Variants in CDKL2 observed in about 807,000 individuals in gnomAD.
CDKL2 encodes cyclin dependent kinase like 2, also known as cyclin-dependent kinase-like 2.
In CDKL2, 64 loss-of-function variants were observed where a neutral mutation model predicts 63.9. That is an observed-to-expected ratio of 1.00 (90% CI 0.82 to 1.23). The LOEUF (loss-of-function observed/expected upper bound fraction) is 1.23, where lower values mean the gene tolerates loss of function less well. CDKL2 is among the 50% of genes most tolerant of loss of function. The pLI, the probability that CDKL2 is intolerant of heterozygous loss-of-function variation, is 0.00. For missense variants in CDKL2, 656 were observed against 668.0 expected (o/e 0.98, Z 0.20); for synonymous variants, 211 against 229.2 (o/e 0.92, Z 0.72).
chr4:75,596,856 T>C, intron 9 of CDKL2, 79 bp downstream of exon 9: 2 of 1,188,894 alleles, frequency 1.7e-6, no homozygotes, highest in Non-Finnish European at 2.4e-6. Flanking sequence ...ATAAAAACAA[T>C]GTGGATGAAT....
At chr4:75,604,681 A>G (rs1729346002) in intron 5 of CDKL2, among the ~76,000 whole-genome samples, 1 of 152,212 alleles carries the variant, frequency 6.6e-6, no homozygotes, top group South Asian at 2.1e-4. Flanking sequence ...GAAAGTAAGG[A>G]CAGTAGTCAC....
chr4:75,623,789 C>T (rs368532411), intron 2 of CDKL2, among the ~76,000 whole-genome samples: 21 of 151,932 alleles, frequency 1.4e-4, no homozygotes, highest in African/African-American at 4.8e-4. Flanking sequence ...AGGAAAAAAG[C>T]AAAATATAAC....
chr4:75,589,031 T>C (rs1004174063), intron 12 of CDKL2, among the ~76,000 whole-genome samples: 2 of 152,152 alleles, frequency 1.3e-5, no homozygotes, highest in African/African-American at 2.4e-5. Context: ...CCATTAAAAA[T>C]GGGCAAAAGA....
intron 7 of CDKL2, among the ~76,000 whole-genome samples, chr4:75,599,561 A>AAG (rs1729093834): frequency 6.6e-6 from 1 of 150,974 alleles, no homozygotes; most frequent in Non-Finnish European, 1.5e-5. Context: ...AAAAAAAAAA[A>AAG]AAAAAAAAAG....
intron 2 of CDKL2, among the ~76,000 whole-genome samples, chr4:75,623,571 CA>C (rs559564472): frequency 1.3e-5 from 2 of 151,796 alleles, no homozygotes; most frequent in South Asian, 4.2e-4. Context: ...CACTAAAAGA[CA>C]GAAACACAAT....
At chr4:75,608,662 A>G (rs1193922289) in intron 3 of CDKL2, among the ~76,000 whole-genome samples, 1 of 152,098 alleles carries the variant, frequency 6.6e-6, no homozygotes, top group African/African-American at 2.4e-5. Flanking sequence ...GCTCAGAGGA[A>G]TGGGAAGGAG....
At chr4:75,588,346 A>G (rs1359526843) in intron 12 of CDKL2, among the ~76,000 whole-genome samples, 2 of 152,232 alleles carry the variant, frequency 1.3e-5, no homozygotes, top group East Asian at 3.8e-4. Flanking sequence ...TCAGGAAATA[A>G]AGAGAGACCA....
At chr4:75,610,202 CA>C (rs11298860) in intron 3 of CDKL2, among the ~76,000 whole-genome samples, 70,005 of 144,660 alleles carry the variant, frequency 0.48, 17,034 homozygotes, top group East Asian at 0.79. Flanking sequence ...GCCTCCATCT[CA>C]AAAAAAAAAA....
chr4:75,596,200 G>A (rs374943912), intron 10 of CDKL2, 47 bp downstream of exon 10: 54 of 1,070,738 alleles, frequency 5.0e-5, no homozygotes, highest in Non-Finnish European at 7.5e-5. Context: ...TAAAAGTCTA[G>A]AGCTGACTGG....
chr4:75,626,022 GAAAACCAAA>G lies in CDKL2; in HGVS notation c.-29-14_-29-6del. 1 of 1,569,370 alleles carries G rather than the reference GAAAACCAAA, an allele frequency of 6.4e-7. No individual in the cohort carries two copies. The highest frequency in any genetic ancestry group is 8.7e-7 in the Non-Finnish European group (1 of 1,153,290). On this transcript the variant is annotated splice_region_variant and splice_polypyrimidine_tract_variant and intron_variant, in intron 1 of 13. Transcript: ENST00000307465. Reference sequence around the variant, plus strand: ...AAAGTCCGTAGAAACTTTTTGCTGTGAAAACCAAAACATAGATTTAACAAAGTTGAGTAC... The same window carrying G: ...AAAGTCCGTAGAAACTTTTTGCTGTGACATAGATTTAACAAAGTTGAGTAC...
intron 2 of CDKL2, 42 bp downstream of exon 2, chr4:75,625,778 AC>A (rs778489589): frequency 2.3e-5 from 34 of 1,448,686 alleles, no homozygotes; most frequent in Non-Finnish European, 5.7e-6. Context: ...CAAAAAAGAA[AC>A]TTATACTCAT....
chr4:75,592,410 T>C lies in CDKL2; in HGVS notation c.1417-141A>G, dbSNP rs1728758112. Reference sequence around the variant, plus strand: ...TAAAAAATTTGAAGGACATTAATAATACAAAAAAAATTCATCCAATTATTT... The same window carrying C: ...TAAAAAATTTGAAGGACATTAATAACACAAAAAAAATTCATCCAATTATTT... On this transcript the variant is annotated intron_variant, in intron 10 of 13. Transcript: ENST00000307465. 3 of 589,160 alleles carry C rather than the reference T, an allele frequency of 5.1e-6. No individual in the cohort carries two copies. In the East Asian group the frequency reaches 9.4e-5, roughly 19 times the overall value. The allele number at this position is 589,160 out of a possible 1,614,324, so 36.5% of individuals were successfully genotyped here.
At chr4:75,605,251 G>T (rs1246297930) in intron 5 of CDKL2, among the ~76,000 whole-genome samples, 1 of 151,978 alleles carries the variant, frequency 6.6e-6, no homozygotes, top group Non-Finnish European at 1.5e-5. Context: ...TACTCGGGAG[G>T]CTGAGGCAGG....
At position 75,625,816 on chromosome 4, in the gene CDKL2, C is replaced by T; in HGVS notation, c.168+5G>A. The T allele has an allele frequency of 6.2e-7, 1 of 1,603,856 alleles. No individual in the cohort carries two copies. The highest frequency in any genetic ancestry group is 8.5e-7 in the Non-Finnish European group (1 of 1,175,974). ...TTTTTTGATTCAATATATGCATTTA[C>T]TCACCTTTAGTAACTTGATTTCTCG... On this transcript the variant is annotated splice_donor_5th_base_variant and intron_variant, in intron 2 of 13. Transcript: ENST00000307465.
At chr4:75,592,627 A>G (rs1560575910) in intron 10 of CDKL2, among the ~76,000 whole-genome samples, 1 of 152,222 alleles carries the variant, frequency 6.6e-6, no homozygotes, top group Non-Finnish European at 1.5e-5. Context: ...TAGGCTTTTC[A>G]GCAAATAGTT....
At chr4:75,625,767 C>A in intron 2 of CDKL2, 54 bp downstream of exon 2, 2 of 1,335,064 alleles carry the variant, frequency 1.5e-6, no homozygotes, top group Non-Finnish European at 2.1e-6. Flanking sequence ...CTTCTTATTG[C>A]CAAAAAAGAA....
rs930537774 is a variant in CDKL2, at chr4:75,589,461, C to T, written c.1647+2358G>A. Among the ~76,000 whole-genome samples, 21 of 151,166 alleles carry T rather than the reference C, an allele frequency of 1.4e-4. 1 individual carries two copies. The East Asian group carries it at 3.7e-3, about 27-fold the overall frequency. On this transcript the variant is annotated intron_variant, in intron 12 of 13. Coordinates refer to ENST00000307465, the MANE Select transcript of CDKL2 (RefSeq NM_001330724.2). ...CTGGGACTACAGGCGCCTGCCACTA[C>T]GCCCGGCTAATTTTTTGTATTTTTA...
chr4:75,604,532 A>G lies in CDKL2; in HGVS notation c.656-576T>C, dbSNP rs149846919. The stretch of plus-strand genomic sequence containing the variant: ...CCATTTCTAAGCTCCATCTTCAAAC[A>G]TGAAGTTGATATTTCAACAAACGTA... On this transcript the variant is annotated intron_variant, in intron 5 of 13. Transcript: ENST00000307465. Among the ~76,000 whole-genome samples, 611 of 152,348 alleles carry G rather than the reference A, an allele frequency of 4.0e-3. 5 individuals are homozygous for G. Among genetic ancestry groups the G allele is most frequent in the African/African-American group, 0.014 (579 of 41,586 alleles).
chr4:75,622,672 T>G lies in CDKL2; in HGVS notation c.168+3149A>C, dbSNP rs960820829. On this transcript the variant is annotated intron_variant, in intron 2 of 13. Transcript: ENST00000307465. Reference sequence around the variant, plus strand: ...GGTAGAAGTTGCAGCGAGACGAGATTGCACCACTGTACTCCAGCCTGGGTG... The same window carrying G: ...GGTAGAAGTTGCAGCGAGACGAGATGGCACCACTGTACTCCAGCCTGGGTG... 4.1e-5 allele frequency among the ~76,000 whole-genome samples: 5 copies of G among 122,574 alleles called. No homozygotes were observed. The East Asian group carries it at 1.4e-3, about 34-fold the overall frequency. The allele number at this position is 122,574 out of a possible 152,430, so 80.4% of individuals were successfully genotyped here.
Sources: gnomAD v4.1 joint callset for allele counts (sites outside exome capture counted in the v4.1 genomes callset) on GRCh38, gnomAD v4.1.1 for gene constraint, MANE v1.5 for transcripts, NCBI Gene and HGNC (gene_info 2026-07-23, HGNC 2026-07-21) for gene names.